The following RREB1 variants were observed in gnomAD, a reference collection of about 807,000 sequenced individuals.
The protein encoded by RREB1 is ras-responsive element-binding protein 1.
Under a neutral mutation model 117.8 loss-of-function variants are expected in RREB1, and 27 were observed. That is an observed-to-expected ratio of 0.23 (90% confidence interval 0.17 to 0.32). RREB1 has a LOEUF of 0.32. Ranked by LOEUF, RREB1 falls within the 10% of genes least tolerant of loss-of-function variation. The pLI is 1.00. For synonymous variants in RREB1, 1,298 were observed against 1,026.7 expected (o/e 1.26, Z -5.05); for missense variants, 2,577 against 2,378.2 (o/e 1.08, Z -1.74).
chr6:7,174,455 G>A (rs772583234), intron 1 of RREB1, among the ~76,000 whole-genome samples: 3 of 151,888 alleles, frequency 2.0e-5, no homozygotes, highest in Non-Finnish European at 4.4e-5. Flanking sequence ...GCTACCCGGT[G>A]GACCTTTTTT....
intron 1 of RREB1, among the ~76,000 whole-genome samples, chr6:7,161,884 T>C (rs1763683385): frequency 6.6e-6 from 1 of 152,210 alleles, no homozygotes; most frequent in African/African-American, 2.4e-5. Context: ...ATACCTCTGA[T>C]TGTCCATTTT....
In RREB1 at chr6:7,189,342, G is replaced by A; in HGVS notation, c.425+20G>A. ...GCACAGGTGGGTGAGGGCGCCCTTT[G>A]CTTGGGGGGTTGGCTGGTACTTGGA... On this transcript the variant is annotated intron_variant, in intron 6 of 12. Coordinates refer to ENST00000379938, the MANE Select transcript of RREB1 (RefSeq NM_001003699.4). The A allele has an allele frequency of 1.3e-6, 2 of 1,552,966 alleles. No homozygotes were observed. Among genetic ancestry groups the A allele is most frequent in the Non-Finnish European group, 1.7e-6 (2 of 1,145,532 alleles).
chr6:7,189,064 T>G lies in RREB1; in HGVS notation c.262-95T>G, dbSNP rs574126739. 3.3e-6 allele frequency: 4 copies of G among 1,222,966 alleles called. No individual in the cohort carries two copies. The African/African-American group carries it at 6.2e-5, about 19-fold the overall frequency. 75.8% of individuals were successfully genotyped at this position (1,222,966 alleles called of 1,614,324 possible). On this transcript the variant is annotated intron_variant, in intron 5 of 12. Transcript: ENST00000379938. ...GAAACACATAGCCAAGAAAGTTGAT[T>G]GGTTTTTTTAATAAAGCTCTGGATC...
chr6:7,223,555 T>C (rs914881070), intron 8 of RREB1, among the ~76,000 whole-genome samples: 4 of 58,268 alleles, frequency 6.9e-5, no homozygotes, highest in South Asian at 3.3e-4. Context: ...AACAAAACTC[T>C]TGTCTCAAAA....
intron 1 of RREB1, among the ~76,000 whole-genome samples, chr6:7,123,649 C>T (rs541574505): frequency 3.2e-3 from 398 of 123,380 alleles, no homozygotes; most frequent in Non-Finnish European, 5.4e-3. Context: ...CTTGCTCTGT[C>T]GCCCAGGCTG....
intron 1 of RREB1, among the ~76,000 whole-genome samples, chr6:7,169,749 A>G (rs1764122448): frequency 6.6e-6 from 1 of 152,170 alleles, no homozygotes. Flanking sequence ...ACTGTGCCCC[A>G]TTTCCTTCCT....
chr6:7,205,257 G>A (rs1332364496), intron 6 of RREB1, among the ~76,000 whole-genome samples: 4 of 152,178 alleles, frequency 2.6e-5, no homozygotes, highest in Non-Finnish European at 4.4e-5. Flanking sequence ...TGGGACTCGG[G>A]GGTTTTTATT....
chr6:7,222,891 A>T (rs2113071316), intron 8 of RREB1, among the ~76,000 whole-genome samples: 1 of 152,180 alleles, frequency 6.6e-6, no homozygotes, highest in East Asian at 1.9e-4. Flanking sequence ...CCTTCATAAA[A>T]CCTACTTATT....
chr6:7,247,019 G>A lies in RREB1; in HGVS notation c.4569G>A (p.Ala1523=), dbSNP rs199604526. Residue 1523 remains alanine, a synonymous_variant, in exon 12 of 13, where the codon GCG becomes GCA. Transcript: ENST00000379938. ...GAGEAPAEKL[A]EETEGPSDGE... ...GGGAGGCCCCGGCGGAAAAGCTCGC[G>A]GAGGAGACGGAGGGCCCCTCCGACG... 8.1e-6 allele frequency: 13 copies of A among 1,609,788 alleles called. No individual in the cohort carries two copies. Among genetic ancestry groups the A allele is most frequent in the African/African-American group, 5.3e-5 (4 of 74,910 alleles).
Position 7,233,688 on chromosome 6 carries a change from G to A in RREB1, c.3808+1781G>A, listed in dbSNP as rs1039481770. On this transcript the variant is annotated intron_variant, in intron 10 of 12. Coordinates refer to ENST00000379938, the MANE Select transcript of RREB1 (RefSeq NM_001003699.4). The stretch of plus-strand genomic sequence containing the variant: ...ATATGGTAACCCAAGGTAGTCAGGA[G>A]GTTTATGACAGGATGTTGAGGGTGG... Among the ~76,000 whole-genome samples the A allele has an allele frequency of 3.3e-5, 5 of 152,150 alleles. No individual in the cohort carries two copies. In the East Asian group the frequency reaches 9.6e-4, roughly 29 times the overall value.
At position 7,126,191 on chromosome 6, in the gene RREB1, T is replaced by G. The variant is rs147180134; in HGVS notation, c.-285+18131T>G. Reference sequence around the variant, plus strand: ...TAATTTTTGTATTTTTAGTAGAGGCTGGGTTTCACTATGTTGGTCAGGCTG... The same window carrying G: ...TAATTTTTGTATTTTTAGTAGAGGCGGGGTTTCACTATGTTGGTCAGGCTG... On this transcript the variant is annotated intron_variant, in intron 1 of 12. Coordinates refer to ENST00000379938, the MANE Select transcript of RREB1 (RefSeq NM_001003699.4). Among the ~76,000 whole-genome samples, 28 of 152,142 alleles carry G rather than the reference T, an allele frequency of 1.8e-4. No homozygotes were observed. In the South Asian group the frequency reaches 1.9e-3, roughly 10 times the overall value.
chr6:7,242,700 AGG>A (rs77140508), intron 11 of RREB1, among the ~76,000 whole-genome samples: 3 of 134,768 alleles, frequency 2.2e-5, no homozygotes, highest in East Asian at 2.3e-4. Flanking sequence ...CTTAAAAAAA[AGG>A]GGGGGGGGGA....
chr6:7,216,627 A>C (rs1581551802), intron 8 of RREB1: 1 of 152,208 alleles, frequency 6.6e-6, no homozygotes, highest in Admixed American at 6.5e-5. Context: ...CCTACCACCT[A>C]CAGAGACCCC....
chr6:7,158,657 C>G (rs1763503093), intron 1 of RREB1, among the ~76,000 whole-genome samples: 1 of 152,202 alleles, frequency 6.6e-6, no homozygotes, highest in Admixed American at 6.5e-5. Flanking sequence ...AATTCTCTTA[C>G]CTTCCCAAGC....
At chr6:7,183,255 G>A (rs950751072) in intron 4 of RREB1, 14 of 152,136 alleles carry the variant, frequency 9.2e-5, no homozygotes, top group African/African-American at 2.4e-4. Flanking sequence ...GGGTGCCTGA[G>A]AAAATACTCA....
intron 1 of RREB1, among the ~76,000 whole-genome samples, chr6:7,169,805 G>A (rs1026970562): frequency 6.6e-6 from 1 of 152,118 alleles, no homozygotes; most frequent in Non-Finnish European, 1.5e-5. Flanking sequence ...AAGAAGAATG[G>A]GGTACCACAG....
chr6:7,130,926 T>TG (rs1762130361), intron 1 of RREB1, among the ~76,000 whole-genome samples: 1 of 130,438 alleles, frequency 7.7e-6, no homozygotes, highest in Non-Finnish European at 1.6e-5. Context: ...TTAATAGTCA[T>TG]GTCTTTTTTT....
Position 7,231,652 on chromosome 6 carries a change from C to T in RREB1, c.3553C>T (p.Leu1185=). The change falls in exon 10 of 13, where the codon CTG becomes TTG. Residue 1185 remains leucine (L), a synonymous_variant. Coordinates refer to ENST00000379938, the MANE Select transcript of RREB1 (RefSeq NM_001003699.4). ...GGAGTTTGCCAGCATCGAGAAGATG[C>T]TGGCCACCACAGACACCAACAAGTT... is the stretch of plus-strand genomic sequence containing the variant. ...SGEFASIEKM[L]ATTDTNKFSP... is the part of the protein sequence containing the mutation. 1 of 1,611,130 alleles carries T rather than the reference C, an allele frequency of 6.2e-7. No individual in the cohort carries two copies. Among genetic ancestry groups the T allele is most frequent in the South Asian group, 1.1e-5 (1 of 91,014 alleles).
chr6:7,148,708 C>T (rs2113416902), intron 1 of RREB1, among the ~76,000 whole-genome samples: 1 of 152,314 alleles, frequency 6.6e-6, no homozygotes, highest in South Asian at 2.1e-4. Context: ...GAATGATTGA[C>T]ACCCAGGAGT....
Sources: allele counts gnomAD v4.1 joint callset (sites outside exome capture counted in the v4.1 genomes callset), GRCh38; gene constraint gnomAD v4.1.1; transcripts MANE v1.5; gene names NCBI Gene and HGNC (gene_info 2026-07-23, HGNC 2026-07-21).